The following GAB1 variants were observed in gnomAD, a reference collection of about 807,000 sequenced individuals.
The protein encoded by GAB1 is GRB2-associated-binding protein 1.
A neutral mutation model predicts 66.5 loss-of-function variants in GAB1; 19 were observed. The ratio of observed to expected loss-of-function variants is 0.29; its 90% CI spans 0.20 to 0.42. The LOEUF is 0.42. GAB1 is among the 10% of genes least tolerant of loss of function. GAB1 has a pLI of 1.00. For synonymous variants in GAB1, 294 were observed against 301.4 expected (o/e 0.98, Z 0.25); for missense variants, 732 against 858.5 (o/e 0.85, Z 1.84).
At chr4:143,355,937 G>A (rs1312078012) in intron 1 of GAB1, among the ~76,000 whole-genome samples, 2 of 152,084 alleles carry the variant, frequency 1.3e-5, no homozygotes, top group Non-Finnish European at 2.9e-5. Context: ...TTGGGAGTGC[G>A]AGGTGTTGAG....
At chr4:143,448,662 C>T in intron 6 of GAB1, among the ~76,000 whole-genome samples, 1 of 151,284 alleles carries the variant, frequency 6.6e-6, no homozygotes, top group East Asian at 1.9e-4. Flanking sequence ...TTTATTGCAT[C>T]TATTTGATTC....
At chr4:143,407,541 T>G (rs1212380807) in intron 1 of GAB1, among the ~76,000 whole-genome samples, 2 of 152,200 alleles carry the variant, frequency 1.3e-5, no homozygotes, top group African/African-American at 4.8e-5. Flanking sequence ...AGCTTAGATC[T>G]AGGCATTGTT....
At chr4:143,462,218 T>C (rs1399312300) in intron 8 of GAB1, among the ~76,000 whole-genome samples, 4 of 152,216 alleles carry the variant, frequency 2.6e-5, no homozygotes, top group Non-Finnish European at 5.9e-5. Flanking sequence ...TATTTTTCAA[T>C]TTGAGTGGAG....
chr4:143,460,285 GTC>G (rs1735421119), intron 7 of GAB1, 77 bp from the exon 8 acceptor site: 3 of 1,325,262 alleles, frequency 2.3e-6, no homozygotes, highest in East Asian at 4.6e-5. Context: ...AATGCAGACT[GTC>G]TCTCATTTTT....
intron 1 of GAB1, among the ~76,000 whole-genome samples, chr4:143,375,193 C>T (rs1730361461): frequency 6.6e-6 from 1 of 152,194 alleles, no homozygotes; most frequent in South Asian, 2.1e-4. Context: ...GGCGATGTGC[C>T]CGCCTTGGCC....
intron 1 of GAB1, among the ~76,000 whole-genome samples, chr4:143,392,491 A>T (rs1374987130): frequency 6.6e-6 from 1 of 152,204 alleles, no homozygotes; most frequent in Admixed American, 6.5e-5. Context: ...GGTAAGATAC[A>T]TGAAACCTAC....
At chr4:143,467,464 A>G (rs1034653894) in intron 9 of GAB1, among the ~76,000 whole-genome samples, 1 of 152,130 alleles carries the variant, frequency 6.6e-6, no homozygotes, top group Non-Finnish European at 1.5e-5. Flanking sequence ...TTGCTTTTCC[A>G]TTTCTAAAAT....
At chr4:143,400,793 C>T (rs1222806567) in intron 1 of GAB1, among the ~76,000 whole-genome samples, 3 of 152,010 alleles carry the variant, frequency 2.0e-5, no homozygotes, top group African/African-American at 7.3e-5. Context: ...CATAACGAAA[C>T]CCCATCTCTA....
At chr4:143,447,518 G>A (rs1320269406) in intron 6 of GAB1, among the ~76,000 whole-genome samples, 1 of 152,168 alleles carries the variant, frequency 6.6e-6, no homozygotes, top group Non-Finnish European at 1.5e-5. Context: ...CACATCCCTT[G>A]TAAGTTGGAT....
chr4:143,440,534 C>A, intron 6 of GAB1, 152 bp downstream of exon 6: 3 of 709,034 alleles, frequency 4.2e-6, no homozygotes, highest in South Asian at 2.2e-5. Context: ...AGCAGTACTG[C>A]CATTTATAAA....
chr4:143,429,390 C>T (rs1364820109), intron 2 of GAB1, among the ~76,000 whole-genome samples: 4 of 152,200 alleles, frequency 2.6e-5, no homozygotes, highest in Admixed American at 2.0e-4. Context: ...AGGTGTGAGC[C>T]ACTGTGCCCA....
rs536373123 is a variant in GAB1, at chr4:143,470,573, A to G, written c.*1384A>G. On this transcript the variant is annotated 3_prime_UTR_variant, in exon 10 of 10. Transcript: ENST00000262994. The stretch of plus-strand genomic sequence containing the variant: ...CACAAGTTGTAGTGAGGCTACAATT[A>G]TATTCGTCTGTCTTGGCTTTGCAAC... The G allele has an allele frequency of 6.6e-6, 1 of 152,376 alleles. No homozygotes were observed. The highest frequency in any genetic ancestry group is 6.5e-5 in the Admixed American group (1 of 15,302). 9.4% of individuals were successfully genotyped at this position (152,376 alleles called of 1,614,324 possible).
chr4:143,460,936 G>A (rs1179069162), intron 8 of GAB1, among the ~76,000 whole-genome samples: 1 of 152,172 alleles, frequency 6.6e-6, no homozygotes, highest in African/African-American at 2.4e-5. Flanking sequence ...CTAAGGCCAT[G>A]TCACAGCACT....
intron 1 of GAB1, among the ~76,000 whole-genome samples, chr4:143,396,502 C>T (rs1372598792): frequency 2.0e-5 from 3 of 152,062 alleles, no homozygotes; most frequent in Non-Finnish European, 4.4e-5. Context: ...GCAGCTCGAT[C>T]GGGTGGCTTA....
intron 4 of GAB1, among the ~76,000 whole-genome samples, chr4:143,438,896 G>A (rs796832013): frequency 1.3e-5 from 2 of 152,188 alleles, no homozygotes; most frequent in African/African-American, 2.4e-5. Flanking sequence ...CCCTCTGTTG[G>A]GACAGAAGGG....
intron 1 of GAB1, among the ~76,000 whole-genome samples, chr4:143,408,116 C>T (rs1161833810): frequency 1.3e-5 from 2 of 152,116 alleles, no homozygotes; most frequent in Non-Finnish European, 2.9e-5. Context: ...TCTGTCTAGG[C>T]TGTTTCCTGG....
chr4:143,366,832 AT>A (rs1377186533), intron 1 of GAB1, among the ~76,000 whole-genome samples: 2 of 152,044 alleles, frequency 1.3e-5, no homozygotes, highest in Non-Finnish European at 2.9e-5. Context: ...CAATTTTTGA[AT>A]TGAAAATCAC....
chr4:143,443,079 C>T (rs1222443876), intron 6 of GAB1, among the ~76,000 whole-genome samples: 8 of 147,254 alleles, frequency 5.4e-5, no homozygotes, highest in East Asian at 4.0e-4. Flanking sequence ...TGCAGTGGCG[C>T]GATCTCGGCT....
At chr4:143,426,472 G>T (rs1163916112) in intron 2 of GAB1, among the ~76,000 whole-genome samples, 1 of 152,124 alleles carries the variant, frequency 6.6e-6, no homozygotes, top group African/African-American at 2.4e-5. Context: ...GAGCCCAGGA[G>T]TTCCAGGCTG....
Sources: allele counts gnomAD v4.1 joint callset (sites outside exome capture counted in the v4.1 genomes callset), GRCh38; gene constraint gnomAD v4.1.1; transcripts MANE v1.5; gene names NCBI Gene and HGNC (gene_info 2026-07-23, HGNC 2026-07-21).